The following PRKN variants were observed in gnomAD, a reference collection of about 807,000 sequenced individuals.
PRKN encodes the protein parkin RBR E3 ubiquitin protein ligase.
Under a neutral mutation model 59.5 loss-of-function variants are expected in PRKN, and 56 were observed. That is an observed-to-expected ratio of 0.94 (90% CI 0.76 to 1.18). The LOEUF (loss-of-function observed/expected upper bound fraction) is 1.18, where lower values mean the gene tolerates loss of function less well. PRKN is among the 50% of genes most tolerant of loss of function. The pLI, the probability that PRKN is intolerant of heterozygous loss-of-function variation, is 0.00. For synonymous variants in PRKN, 250 were observed against 222.1 expected, an observed-to-expected ratio of 1.13 and a Z score of -1.12; for missense variants, 657 against 596.4, an observed-to-expected ratio of 1.10 and a Z score of -1.06.
At chr6:161,437,578 TG>T in intron 9 of PRKN, among the ~76,000 whole-genome samples, 1 of 152,296 alleles carries the variant, frequency 6.6e-6, no homozygotes. Flanking sequence ...TGGGCTAGGC[TG>T]GTTGCTGTCT....
At chr6:162,210,107 A>AAAAATAAAATAAAATAAAATAAAAT (rs142809214) in intron 3 of PRKN, among the ~76,000 whole-genome samples, 12,113 of 144,104 alleles carry the variant, frequency 0.084, 701 homozygotes, top group South Asian at 0.18. Flanking sequence ...TATAATAATA[A>AAAAATAAAATAAAATAAAATAAAAT]AAAATAAAAT....
At chr6:162,289,992 G>C (rs1781354963) in intron 2 of PRKN, among the ~76,000 whole-genome samples, 1 of 152,104 alleles carries the variant, frequency 6.6e-6, no homozygotes, top group Non-Finnish European at 1.5e-5. Context: ...TGGAAATGAG[G>C]GCTTGTGAGA....
In PRKN at chr6:161,549,270, T is replaced by C. The variant is rs779684507; in HGVS notation, c.934-267A>G. Among the ~76,000 whole-genome samples, 29 of 152,128 alleles carry C rather than the reference T, an allele frequency of 1.9e-4. No individual in the cohort carries two copies. The highest frequency in any genetic ancestry group is 4.1e-4 in the South Asian group (2 of 4,832). On this transcript the variant is annotated intron_variant, in intron 8 of 11. Coordinates refer to ENST00000366898, the MANE Select transcript of PRKN (RefSeq NM_004562.3). This position sits in a 1 kb window ranked among gnomAD's most constrained non-coding sequence, Gnocchi z 6.0. The stretch of plus-strand genomic sequence containing the variant: ...TTTTTGCTTTTTTGTCTTCAGAAAA[T>C]AGATTTTCCAAAGTTTTGTATTTTA...
At chr6:162,394,012 T>C (rs1264464104) in intron 2 of PRKN, among the ~76,000 whole-genome samples, 1 of 152,208 alleles carries the variant, frequency 6.6e-6, no homozygotes, top group African/African-American at 2.4e-5. Context: ...TCTACATTGT[T>C]AGCAAAGCAT....
chr6:162,054,302 G>C (rs1345023939), intron 4 of PRKN, 128 bp from the exon 5 acceptor site: 2 of 740,704 alleles, frequency 2.7e-6, no homozygotes, highest in Non-Finnish European at 4.8e-6. Context: ...TTCAAAGTGT[G>C]GTCTGCAGAC....
chr6:162,123,471 T>A (rs1209624103), intron 4 of PRKN, among the ~76,000 whole-genome samples: 1 of 152,246 alleles, frequency 6.6e-6, no homozygotes, highest in African/African-American at 2.4e-5. Flanking sequence ...AATATTTCAT[T>A]TCTTCTTTAC....
Position 161,473,058 on chromosome 6 carries a change from T to C in PRKN, c.1083+75796A>G, listed in dbSNP as rs1033118032. ...ATGCTGTTGGTGGGAATGTAAATTG[T>C]TGCAGCCTTTATGGAAAACAGTACG... On this transcript the variant is annotated intron_variant, in intron 9 of 11. Transcript: ENST00000366898. This position sits in a 1 kb window ranked among gnomAD's most constrained non-coding sequence, Gnocchi z 4.1. Among the ~76,000 whole-genome samples, 1 of 152,122 alleles carries C rather than the reference T, an allele frequency of 6.6e-6. No homozygotes were observed. The highest frequency in any genetic ancestry group is 2.4e-5 in the African/African-American group (1 of 41,418).
chr6:162,567,770 A>G (rs1780144033), intron 1 of PRKN, among the ~76,000 whole-genome samples: 1 of 152,150 alleles, frequency 6.6e-6, no homozygotes, highest in Non-Finnish European at 1.5e-5. Flanking sequence ...AAGAATCCTA[A>G]AAGTTACATG....
In PRKN at chr6:161,680,746, TATATATATATATATATATATATATA is replaced by T. The variant is rs1480781259; in HGVS notation, c.871+105001_871+105025del. Among the ~76,000 whole-genome samples, 12 of 8,594 alleles carry T rather than the reference TATATATATATATATATATATATATA, an allele frequency of 1.4e-3. 1 individual carries two copies. The highest frequency in any genetic ancestry group is 5.8e-3 in the South Asian group (1 of 172). The allele number at this position is 8,594 out of a possible 152,430, so 5.6% of individuals were successfully genotyped here. ...AAATACATATATATATATATATATATATATATATATATATATATATATATATATATTTTTTTTTTTTTTTCTTTTC... is the reference window on the plus strand; with the variant it reads ...AAATACATATATATATATATATATATTATATTTTTTTTTTTTTTTCTTTTC... On this transcript the variant is annotated intron_variant, in intron 7 of 11. Coordinates refer to ENST00000366898, the MANE Select transcript of PRKN (RefSeq NM_004562.3).
At chr6:161,636,801 C>A (rs976065046) in intron 7 of PRKN, among the ~76,000 whole-genome samples, 1 of 152,102 alleles carries the variant, frequency 6.6e-6, no homozygotes, top group Non-Finnish European at 1.5e-5. Context: ...GTGGTCCACA[C>A]AGGATGTTTA....
At chr6:161,707,554 T>C (rs6926004) in intron 7 of PRKN, among the ~76,000 whole-genome samples, 5,715 of 152,310 alleles carry the variant, frequency 0.038, 389 homozygotes, top group African/African-American at 0.13. Context: ...ACAAACACAC[T>C]AAACAGGTGT....
intron 2 of PRKN, among the ~76,000 whole-genome samples, chr6:162,401,426 C>CCTACT: frequency 6.6e-6 from 1 of 152,166 alleles, no homozygotes; most frequent in South Asian, 2.1e-4. Flanking sequence ...CATATCATAG[C>CCTACT]TTACTGTAGC....
chr6:161,599,080 G>C (rs1370347408), intron 7 of PRKN, among the ~76,000 whole-genome samples: 1 of 152,164 alleles, frequency 6.6e-6, no homozygotes, highest in Non-Finnish European at 1.5e-5. Flanking sequence ...CAACACCAAA[G>C]CTCAGACAAG....
rs554513399 is a variant in PRKN, at chr6:161,537,674, A to G, written c.1083+11180T>C. Among the ~76,000 whole-genome samples the G allele has an allele frequency of 4.6e-3, 697 of 152,164 alleles. 6 individuals carry two copies. Among genetic ancestry groups the G allele is most frequent in the African/African-American group, 0.015 (639 of 41,528 alleles). On this transcript the variant is annotated intron_variant, in intron 9 of 11. Coordinates refer to ENST00000366898, the MANE Select transcript of PRKN (RefSeq NM_004562.3). ...CACCATGTTAGCCTGGATGGTCTCG[A>G]TCTCCTGACCTCGTGATCCGCCCGC... is the stretch of plus-strand genomic sequence containing the variant.
chr6:161,652,131 T>A (rs1784172005), intron 7 of PRKN, among the ~76,000 whole-genome samples: 1 of 152,240 alleles, frequency 6.6e-6, no homozygotes, highest in African/African-American at 2.4e-5. Context: ...CACTTTAGTT[T>A]ATGCAGACAT....
At chr6:161,681,829 T>G (rs1785376277) in intron 7 of PRKN, among the ~76,000 whole-genome samples, 1 of 152,224 alleles carries the variant, frequency 6.6e-6, no homozygotes, top group Non-Finnish European at 1.5e-5. Flanking sequence ...TAAGTCACAC[T>G]GTGTTCACCT....
intron 3 of PRKN, among the ~76,000 whole-genome samples, chr6:162,221,769 A>C (rs1026793180): frequency 5.9e-5 from 9 of 152,204 alleles, no homozygotes; most frequent in Non-Finnish European, 1.3e-4. Context: ...AGTTCAGAAA[A>C]AGATTTTCAG....
At chr6:161,987,235 C>A (rs185947119) in intron 5 of PRKN, among the ~76,000 whole-genome samples, 2 of 152,038 alleles carry the variant, frequency 1.3e-5, no homozygotes, top group East Asian at 3.9e-4. Context: ...AACCATATAC[C>A]GGAAAACTAA....
At position 162,079,161 on chromosome 6, in the gene PRKN, C is replaced by T. The variant is rs75382070; in HGVS notation, c.535-24987G>A. On this transcript the variant is annotated intron_variant, in intron 4 of 11. Transcript: ENST00000366898. ...TTCACAGCTCCACAGCCCCTGACAG[C>T]ATCATTCTATGAGAACAAGGTCAAG... Among the ~76,000 whole-genome samples, 664 of 152,222 alleles carry T rather than the reference C, an allele frequency of 4.4e-3. 8 individuals carry two copies. The highest frequency in any genetic ancestry group is 0.015 in the African/African-American group (623 of 41,492).
Sources: allele counts gnomAD v4.1 joint callset (sites outside exome capture counted in the v4.1 genomes callset), GRCh38; gene constraint gnomAD v4.1.1; non-coding constraint Gnocchi (gnomAD v3.1); transcripts MANE v1.5; gene names NCBI Gene and HGNC (gene_info 2026-07-23, HGNC 2026-07-21).